The following PHLDB1 variants were observed in gnomAD, a reference collection of about 807,000 sequenced individuals.
PHLDB1 encodes the protein pleckstrin homology like domain family B member 1, also known as pleckstrin homology-like domain family B member 1.
In PHLDB1, 65 loss-of-function variants were observed where a neutral mutation model predicts 139.3. The observed-to-expected ratio is 0.47, with a 90% CI of 0.38 to 0.57. The LOEUF (loss-of-function observed/expected upper bound fraction) is 0.57, where lower values mean the gene tolerates loss of function less well. Ranked by LOEUF, PHLDB1 falls within the 20% of genes least tolerant of loss-of-function variation. The probability of loss-of-function intolerance (pLI) is 0.00; values close to 1 mark genes in which losing one functional copy is unlikely to be tolerated. For missense variants in PHLDB1, 1,624 were observed against 1,839.7 expected, an observed-to-expected ratio of 0.88 and a Z score of 2.14; for synonymous variants, 679 against 734.5, an observed-to-expected ratio of 0.92 and a Z score of 1.22.
At chr11:118,654,756 T>C (rs77692263) in intron 20 of PHLDB1, 1 of 151,014 alleles carries the variant, frequency 6.6e-6, no homozygotes, top group South Asian at 2.1e-4. Context: ...TTGCTCTTTT[T>C]GCCCAGGCTG....
rs1555083642 is a variant in PHLDB1, at chr11:118,611,150, C to A, written c.-21-2666C>A. ...AGAGCGGGAGTCAAGGTGAGGGCGC[C>A]CCCAGGTGGCCGCTCTCGGCCGCGG... On this transcript the variant is annotated intron_variant, in intron 1 of 22. Transcript: ENST00000600882. The surrounding 1 kb of genome is among the most constrained non-coding windows in gnomAD (Gnocchi z 4.7). Among the ~76,000 whole-genome samples the A allele has an allele frequency of 6.6e-6, 1 of 152,208 alleles. No individual in the cohort carries two copies. The highest frequency in any genetic ancestry group is 1.9e-4 in the East Asian group (1 of 5,170).
chr11:118,631,461 T>G lies in PHLDB1; in HGVS notation c.2082T>G (p.Thr694=), dbSNP rs1944792491. The G allele has an allele frequency of 3.5e-6, 5 of 1,429,002 alleles. No individual in the cohort carries two copies. The highest frequency in any genetic ancestry group is 3.7e-6 in the Non-Finnish European group (4 of 1,094,054). 88.5% of individuals were successfully genotyped at this position (1,429,002 alleles called of 1,614,324 possible). ...EENLKEECSS[T]ESTQQEHEDA... is the part of the protein sequence containing the mutation. ...ATCTCAAGGAGGAGTGCAGCAGCAC[T>G]GAGAGCACCCAGCAGGAGGTGAGAT... The change falls in exon 7 of 23, where the codon ACT becomes ACG. Residue 694 remains threonine (T), a synonymous_variant. Transcript: ENST00000600882.
Position 118,638,909 on chromosome 11 carries a change from G to A in PHLDB1, c.2554G>A (p.Asp852Asn). Reference sequence around the variant, plus strand: ...CCTTTAGGAGCGCCTGGCCATCCTGGACAGTCAGGCTGGGCAGATCCGGGC... The same window carrying A: ...CCTTTAGGAGCGCCTGGCCATCCTGAACAGTCAGGCTGGGCAGATCCGGGC... ...AKRKERLAIL[D>N]SQAGQIRAQA... is the part of the protein sequence containing the mutation. The change falls in exon 11 of 23, where the codon GAC (aspartate) becomes AAC (asparagine). Residue 852 changes from aspartate to asparagine, a missense_variant. Transcript: ENST00000600882. 6.2e-7 allele frequency: 1 copy of A among 1,612,858 alleles called. No individual in the cohort carries two copies. Among genetic ancestry groups the A allele is most frequent in the Non-Finnish European group, 8.5e-7 (1 of 1,179,430 alleles).
At position 118,627,709 on chromosome 11, in the gene PHLDB1, C is replaced by T. The variant is rs1944109525; in HGVS notation, c.886C>T (p.Leu296=). ...CCGTTCCTCCAGCTACCATCTGGCC[C>T]TACAGCCCCCACAGTCCCGCCCAAG... is the stretch of plus-strand genomic sequence containing the variant. ...PARSSSYHLA[L]QPPQSRPSGA... Residue 296 remains leucine, a synonymous_variant, in exon 6 of 23, where the codon CTA becomes TTA. Transcript: ENST00000600882. 1 of 1,610,266 alleles carries T rather than the reference C, an allele frequency of 6.2e-7. No individual in the cohort carries two copies. The highest frequency in any genetic ancestry group is 1.1e-5 in the South Asian group (1 of 91,092).
At chr11:118,619,094 G>A (rs1240623799) in intron 4 of PHLDB1, among the ~76,000 whole-genome samples, 1 of 152,160 alleles carries the variant, frequency 6.6e-6, no homozygotes, top group Non-Finnish European at 1.5e-5. Flanking sequence ...ATAGGACCAA[G>A]GGAATGAGGA....
At chr11:118,621,831 A>C (rs1428300989) in intron 4 of PHLDB1, among the ~76,000 whole-genome samples, 5 of 152,190 alleles carry the variant, frequency 3.3e-5, no homozygotes, top group Non-Finnish European at 5.9e-5. Flanking sequence ...AGTCCTGGTT[A>C]GAATGAGGGG....
At position 118,632,143 on chromosome 11, in the gene PHLDB1, T is replaced by TG. The variant is rs781996666; in HGVS notation, c.2242-14dup. The TG allele has an allele frequency of 1.2e-6, 2 of 1,613,872 alleles. No individual in the cohort carries two copies. Among genetic ancestry groups the TG allele is most frequent in the Admixed American group, 3.3e-5 (2 of 60,024 alleles). On this transcript the variant is annotated splice_polypyrimidine_tract_variant and intron_variant, in intron 8 of 22. Transcript: ENST00000600882. This position sits in a 1 kb window ranked among gnomAD's most constrained non-coding sequence, Gnocchi z 5.9. Reference sequence around the variant, plus strand: ...CAGTCAGCTGCTTTGATGGGGACCCTGGTGTCTGCCCCCAGGCCGAAATGG... The same window carrying TG: ...CAGTCAGCTGCTTTGATGGGGACCCTGGGTGTCTGCCCCCAGGCCGAAATGG...
rs367717452 is a variant in PHLDB1 at position 118,639,710 on chromosome 11, G to A, written c.2736+459G>A. ...TCTTCCCCAAGTCTGTATGTCTGGT[G>A]TGTGAATTCCAAATAGAACATATCT... On this transcript the variant is annotated intron_variant, in intron 12 of 22. Transcript: ENST00000600882. 31 of 311,088 alleles carry A rather than the reference G, an allele frequency of 1.0e-4. No homozygotes were observed. In the East Asian group the frequency reaches 2.7e-3, roughly 27 times the overall value. 19.3% of individuals were successfully genotyped at this position (311,088 alleles called of 1,614,324 possible). A position where few individuals can be genotyped will look rare whatever the true frequency, so the allele number is the denominator to read the frequency against.
chr11:118,626,592 A>G (rs879982272), intron 5 of PHLDB1, among the ~76,000 whole-genome samples: 3 of 152,144 alleles, frequency 2.0e-5, no homozygotes, highest in Non-Finnish European at 2.9e-5. Flanking sequence ...CATGTTGGCC[A>G]GGCTGGTCTC....
intron 4 of PHLDB1, chr11:118,624,256 A>C (rs992507229): frequency 6.6e-6 from 1 of 152,258 alleles, no homozygotes; most frequent in Non-Finnish European, 1.5e-5. Context: ...TAACCCTACA[A>C]GATCAGTGGT....
chr11:118,630,851 T>C (rs1555109279), intron 6 of PHLDB1, among the ~76,000 whole-genome samples: 1 of 151,886 alleles, frequency 6.6e-6, no homozygotes, highest in Admixed American at 6.5e-5. Context: ...TTTCTGTATG[T>C]GTTTAGTGTG....
chr11:118,616,345 G>A (rs1941634286), intron 4 of PHLDB1, 134 bp downstream of exon 4: 2 of 718,834 alleles, frequency 2.8e-6, no homozygotes, highest in Non-Finnish European at 4.6e-6. Flanking sequence ...GTACTCAGGT[G>A]CATCTGGATG....
Position 118,613,880 on chromosome 11 carries a change from C to A in PHLDB1, c.44C>A (p.Thr15Asn). The A allele has an allele frequency of 6.2e-7, 1 of 1,608,950 alleles. No homozygotes were observed. The highest frequency in any genetic ancestry group is 8.5e-7 in the Non-Finnish European group (1 of 1,175,668). ...NRNQIGPGCQ[T>N]QTMVQKGPLD... ...AACCAAATAGGCCCTGGATGCCAGA[C>A]CCAGACCATGGTGCAGGTGAGTGGG... The change falls in exon 2 of 23, where the codon ACC (threonine) becomes AAC (asparagine). Residue 15 changes from threonine to asparagine, a missense_variant. Transcript: ENST00000600882.
intron 12 of PHLDB1, chr11:118,641,905 C>T: frequency 1.4e-6 from 1 of 695,656 alleles, no homozygotes; most frequent in Non-Finnish European, 2.1e-6. Flanking sequence ...CCAGTGCCTG[C>T]AGGCTCTGTC....
Position 118,624,806 on chromosome 11 carries a change from C to G in PHLDB1, c.356-128C>G, listed in dbSNP as rs554632842. 106 of 874,182 alleles carry G rather than the reference C, an allele frequency of 1.2e-4. 1 individual carries two copies. In the South Asian group the frequency reaches 1.5e-3, roughly 12 times the overall value. The allele number at this position is 874,182 out of a possible 1,614,324, so 54.2% of individuals were successfully genotyped here. On this transcript the variant is annotated intron_variant, in intron 4 of 22. Coordinates refer to ENST00000600882, the MANE Select transcript of PHLDB1 (RefSeq NM_001144758.3). ...TGTATTTTTAGTAGAGACGGGACTT[C>G]ACCACATTGGCCAGGCTGGTCTCCA...
Position 118,645,858 on chromosome 11 carries a change from T to C in PHLDB1, c.3507+33T>C. 3 of 1,407,664 alleles carry C rather than the reference T, an allele frequency of 2.1e-6. No individual in the cohort carries two copies. 87.2% of individuals were successfully genotyped at this position (1,407,664 alleles called of 1,614,324 possible). ...TGACCTGGATCGGGGAGGCAGAAGG[T>C]GTTGGGGCACAGAGCTACCTACTGC... is the stretch of plus-strand genomic sequence containing the variant. On this transcript the variant is annotated intron_variant, in intron 17 of 22. Transcript: ENST00000600882. This position sits in a 1 kb window ranked among gnomAD's most constrained non-coding sequence, Gnocchi z 5.1.
chr11:118,612,992 A>T (rs922800259), intron 1 of PHLDB1, among the ~76,000 whole-genome samples: 2 of 152,000 alleles, frequency 1.3e-5, no homozygotes, highest in Non-Finnish European at 2.9e-5. Context: ...AGAGGGATGC[A>T]TGGTGGGTGA....
At chr11:118,623,845 G>A (rs1179842642) in intron 4 of PHLDB1, among the ~76,000 whole-genome samples, 2 of 151,696 alleles carry the variant, frequency 1.3e-5, no homozygotes, top group African/African-American at 2.4e-5. Context: ...TGGGGTTGGG[G>A]GACAGGTGTG....
intron 6 of PHLDB1, among the ~76,000 whole-genome samples, chr11:118,630,581 C>T (rs781905512): frequency 4.6e-5 from 7 of 152,180 alleles, no homozygotes; most frequent in Non-Finnish European, 8.8e-5. Context: ...TGTCTGCATA[C>T]ATGCCCACCT....
Sources: gnomAD v4.1 joint callset for allele counts (sites outside exome capture counted in the v4.1 genomes callset) on GRCh38, gnomAD v4.1.1 for gene constraint, Gnocchi (gnomAD v3.1) non-coding constraint, MANE v1.5 for transcripts, NCBI Gene and HGNC (gene_info 2026-07-23, HGNC 2026-07-21) for gene names.